The following DGUOK variants were observed in gnomAD, a reference collection of about 807,000 sequenced individuals.
DGUOK encodes deoxyguanosine kinase, mitochondrial.
DGUOK carries 30 observed loss-of-function variants against 36.6 expected under a neutral mutation model. That is an observed-to-expected ratio of 0.82 (90% CI 0.61 to 1.11). The LOEUF (loss-of-function observed/expected upper bound fraction) is 1.11, where lower values mean the gene tolerates loss of function less well. Ranked by LOEUF, DGUOK falls within the 50% of genes most tolerant of loss-of-function variation. DGUOK has a pLI of 0.00. For missense variants in DGUOK, 361 were observed against 336.4 expected, an observed-to-expected ratio of 1.07 and a Z score of -0.57; for synonymous variants, 145 against 126.3, an observed-to-expected ratio of 1.15 and a Z score of -0.99.
intron 2 of DGUOK, among the ~76,000 whole-genome samples, chr2:73,943,113 GTAT>G (rs1682017056): frequency 6.6e-6 from 1 of 151,978 alleles, no homozygotes; most frequent in Non-Finnish European, 1.5e-5. Context: ...CAGTTGGTTG[GTAT>G]TATTATTTGT....
chr2:73,957,334 A>G (rs548354898), intron 5 of DGUOK, 94 bp downstream of exon 5: 2 of 903,948 alleles, frequency 2.2e-6, no homozygotes, highest in South Asian at 2.8e-5. Flanking sequence ...CCCTGTAGGA[A>G]GGTTCAGAAT....
intron 1 of DGUOK, among the ~76,000 whole-genome samples, chr2:73,935,461 A>C (rs184841239): frequency 6.6e-6 from 1 of 151,952 alleles, no homozygotes; most frequent in Admixed American, 6.6e-5. Flanking sequence ...CAAACAAACA[A>C]CACCCCAGCA....
rs1322890249 is a variant in DGUOK, at chr2:73,940,145, A to C, written c.255+1123A>C. On this transcript the variant is annotated intron_variant, in intron 2 of 6. Coordinates refer to ENST00000264093, the MANE Select transcript of DGUOK (RefSeq NM_080916.3). The stretch of plus-strand genomic sequence containing the variant: ...TCAAACTCCTGGGCTCAAGTGATCC[A>C]CCCACCTTGGCCTCCAAAGTGCTGG... Among the ~76,000 whole-genome samples, 10 of 151,974 alleles carry C rather than the reference A, an allele frequency of 6.6e-5. No homozygotes were observed. In the East Asian group the frequency reaches 1.7e-3, roughly 26 times the overall value.
Position 73,958,743 on chromosome 2 carries a change from C to T in DGUOK, c.*7C>T, listed in dbSNP as rs749059686. 1.1e-5 allele frequency: 17 copies of T among 1,610,560 alleles called. 1 individual carries two copies. The highest frequency in any genetic ancestry group is 1.4e-5 in the Non-Finnish European group (16 of 1,176,836). ...CTTTGTAAAGAATCTGTAACCAATA[C>T]CATGAAGTTCAGGCTGTGATCTGGG... On this transcript the variant is annotated 3_prime_UTR_variant, in exon 7 of 7. Transcript: ENST00000264093.
At chr2:73,958,106 T>G in intron 5 of DGUOK, 40 bp from the exon 6 acceptor site, 1 of 1,531,938 alleles carries the variant, frequency 6.5e-7, no homozygotes, top group South Asian at 1.1e-5. Context: ...CAAGTTACAT[T>G]TCTTTTTTTC....
intron 1 of DGUOK, 127 bp downstream of exon 1, chr2:73,927,179 G>C: frequency 7.5e-7 from 1 of 1,334,790 alleles, no homozygotes; most frequent in African/African-American, 1.5e-5. Context: ...GCTGCGAGGA[G>C]AGCCTTTCCC....
chr2:73,942,559 C>T (rs1314856381), intron 2 of DGUOK, among the ~76,000 whole-genome samples: 1 of 151,722 alleles, frequency 6.6e-6, no homozygotes, highest in African/African-American at 2.4e-5. Context: ...TAATGGAAAA[C>T]AGTTGATTGT....
Position 73,926,894 on chromosome 2 carries a change from TG to T in DGUOK, c.-16del. On this transcript the variant is annotated 5_prime_UTR_variant, in exon 1 of 7. Transcript: ENST00000264093. Reference sequence around the variant, plus strand: ...GTGCTCTCGGCGGAAGTGATCGCTGTGTGAATCGTGGGTGGGATGGCCGCGG... The same window carrying T: ...GTGCTCTCGGCGGAAGTGATCGCTGTTGAATCGTGGGTGGGATGGCCGCGG... The T allele has an allele frequency of 6.2e-7, 1 of 1,613,344 alleles. No homozygotes were observed. Among genetic ancestry groups the T allele is most frequent in the Non-Finnish European group, 8.5e-7 (1 of 1,180,028 alleles).
rs139533561 is a variant in DGUOK at position 73,950,591 on chromosome 2, C to T, written c.450C>T (p.Ile150=). The T allele has an allele frequency of 6.2e-7, 1 of 1,614,128 alleles. No homozygotes were observed. The highest frequency in any genetic ancestry group is 8.5e-7 in the Non-Finnish European group (1 of 1,180,006). The change falls in exon 4 of 7, where the codon ATC becomes ATT. Residue 150 remains isoleucine, a synonymous_variant. Transcript: ENST00000264093. ...CCATCCCACTTCCAACCAGGTATATCTTTGCAAAGAATCTTTTTGAAAATG... is the reference window on the plus strand; with the variant it reads ...CCATCCCACTTCCAACCAGGTATATTTTTGCAAAGAATCTTTTTGAAAATG... ...FERSVYSDRY[I]FAKNLFENGS...
intron 4 of DGUOK, among the ~76,000 whole-genome samples, chr2:73,952,690 C>A (rs1682779770): frequency 6.6e-6 from 1 of 152,092 alleles, no homozygotes; most frequent in Admixed American, 6.5e-5. Flanking sequence ...TGCCATGAAG[C>A]CAGCATTGGG....
chr2:73,937,557 C>T (rs1385179469), intron 1 of DGUOK, among the ~76,000 whole-genome samples: 1 of 152,158 alleles, frequency 6.6e-6, no homozygotes, highest in African/African-American at 2.4e-5. Flanking sequence ...TGAGGTTTGG[C>T]AGAGGAGGGA....
At chr2:73,950,768 A>G (rs1316148397) in intron 4 of DGUOK, 36 bp downstream of exon 4, 2 of 1,613,286 alleles carry the variant, frequency 1.2e-6, no homozygotes, top group African/African-American at 1.3e-5. Flanking sequence ...CTTTAGGGCC[A>G]TATGAAACCT....
intron 4 of DGUOK, among the ~76,000 whole-genome samples, chr2:73,954,842 C>T (rs1558666153): frequency 1.3e-5 from 2 of 152,322 alleles, no homozygotes; most frequent in East Asian, 1.9e-4. Flanking sequence ...GTCTCTCCCT[C>T]GCCACTTGTA....
chr2:73,957,652 C>T (rs768568806), intron 5 of DGUOK, among the ~76,000 whole-genome samples: 31 of 152,174 alleles, frequency 2.0e-4, no homozygotes, highest in Admixed American at 5.2e-4. Context: ...CCAGCCTGGG[C>T]GACAGAGTGA....
intron 1 of DGUOK, among the ~76,000 whole-genome samples, chr2:73,932,884 T>A (rs1256045414): frequency 2.0e-5 from 3 of 152,168 alleles, no homozygotes; most frequent in African/African-American, 7.2e-5. Flanking sequence ...ATCTAAAAAA[T>A]AAAACACCTA....
chr2:73,958,824 C>T lies in DGUOK; in HGVS notation c.*88C>T. 1 of 1,109,156 alleles carries T rather than the reference C, an allele frequency of 9.0e-7. No individual in the cohort carries two copies. The highest frequency in any genetic ancestry group is 1.4e-6 in the Non-Finnish European group (1 of 719,066). The allele number at this position is 1,109,156 out of a possible 1,614,324, so 68.7% of individuals were successfully genotyped here. On this transcript the variant is annotated 3_prime_UTR_variant, in exon 7 of 7. Transcript: ENST00000264093. ...TGTGTCTCCCAACCACCTTTCCATCCCCAGCCCCTCTCATCCCTGGAGCAC... is the reference window on the plus strand; with the variant it reads ...TGTGTCTCCCAACCACCTTTCCATCTCCAGCCCCTCTCATCCCTGGAGCAC...
chr2:73,931,184 G>A (rs1383951508), intron 1 of DGUOK, among the ~76,000 whole-genome samples: 1 of 152,234 alleles, frequency 6.6e-6, no homozygotes, highest in Non-Finnish European at 1.5e-5. Context: ...CCAAGAGGAA[G>A]AAGAGGGAAA....
At chr2:73,932,524 A>T in intron 1 of DGUOK, 1 of 838,266 alleles carries the variant, frequency 1.2e-6, no homozygotes, top group Non-Finnish European at 1.7e-6. Flanking sequence ...TGTGGAAGTT[A>T]GGCATTGGTA....
At chr2:73,942,466 T>C (rs1681974353) in intron 2 of DGUOK, among the ~76,000 whole-genome samples, 1 of 152,200 alleles carries the variant, frequency 6.6e-6, no homozygotes, top group East Asian at 1.9e-4. Flanking sequence ...TCTTGTTTAT[T>C]CCTGAGCAGA....
Sources: allele counts gnomAD v4.1 joint callset (sites outside exome capture counted in the v4.1 genomes callset), GRCh38; gene constraint gnomAD v4.1.1; transcripts MANE v1.5; gene names NCBI Gene and HGNC (gene_info 2026-07-23, HGNC 2026-07-21).